Variants in ANK2 observed in about 807,000 individuals in gnomAD.
ANK2 encodes the protein ankyrin 2.
A neutral mutation model predicts 360.5 loss-of-function variants in ANK2; 83 were observed. That is an observed-to-expected ratio of 0.23 (90% CI 0.19 to 0.28). ANK2 has a LOEUF of 0.28. Ranked by LOEUF, ANK2 falls within the 10% of genes least tolerant of loss-of-function variation. The pLI is 1.00. For synonymous variants in ANK2, 1,740 were observed against 1,759.5 expected, an observed-to-expected ratio of 0.99 and a Z score of 0.28; for missense variants, 4,201 against 4,795.7, an observed-to-expected ratio of 0.88 and a Z score of 3.66.
chr4:113,309,924 C>G (rs1587885689), intron 23 of ANK2, among the ~76,000 whole-genome samples: 1 of 152,234 alleles, frequency 6.6e-6, no homozygotes, highest in East Asian at 1.9e-4. Flanking sequence ...TAATAAGATT[C>G]TATTCACACG....
At chr4:112,864,106 C>G (rs2069266616) in intron 1 of ANK2, among the ~76,000 whole-genome samples, 1 of 151,896 alleles carries the variant, frequency 6.6e-6, no homozygotes, top group Admixed American at 6.6e-5. Flanking sequence ...AGAGAAGAGC[C>G]AAAAATTTTT....
chr4:113,228,557 C>T (rs112818121), intron 4 of ANK2, among the ~76,000 whole-genome samples: 1,730 of 152,198 alleles, frequency 0.011, 21 homozygotes, highest in South Asian at 0.042. Context: ...GGTATATATA[C>T]GTACCACAAT....
chr4:113,223,055 C>T (rs1471013942), intron 4 of ANK2, among the ~76,000 whole-genome samples: 1 of 152,174 alleles, frequency 6.6e-6, no homozygotes, highest in Non-Finnish European at 1.5e-5. Flanking sequence ...TGGTTTTTTA[C>T]ATCCTTTGCA....
chr4:113,085,290 T>C (rs1189461467), intron 1 of ANK2, among the ~76,000 whole-genome samples: 1 of 152,132 alleles, frequency 6.6e-6, no homozygotes, highest in East Asian at 1.9e-4. Context: ...CTGACAGATA[T>C]TAAGATATTA....
the ANK2 span, among the ~76,000 whole-genome samples, chr4:112,767,289 G>A: frequency 5.3e-5 from 8 of 152,062 alleles, no homozygotes; most frequent in East Asian, 7.7e-4. Context: ...TGCCAGTCGC[G>A]GTGGCTCACG....
At chr4:112,762,504 T>G in the ANK2 span, among the ~76,000 whole-genome samples, 1 of 152,210 alleles carries the variant, frequency 6.6e-6, no homozygotes, top group East Asian at 1.9e-4. Context: ...AATGCTTTTC[T>G]AATTTTGTTG....
chr4:112,992,968 C>A lies in ANK2; in HGVS notation c.21+88454C>A, dbSNP rs527411905. 1.0e-3 allele frequency among the ~76,000 whole-genome samples: 151 copies of A among 151,754 alleles called. 1 individual carries two copies. The highest frequency in any genetic ancestry group is 3.6e-3 in the African/African-American group (150 of 41,342). On this transcript the variant is annotated intron_variant, in intron 2 of 30. Coordinates refer to the ANK2 transcript ENST00000503271. ...AATTAGTTGGCCCTTTTCCTGATAC[C>A]CTTCATTAATTTATTTAAAATATTT...
At chr4:113,254,334 T>G (rs2048139628) in intron 10 of ANK2, among the ~76,000 whole-genome samples, 2 of 152,246 alleles carry the variant, frequency 1.3e-5, no homozygotes, top group Admixed American at 1.3e-4. Context: ...GTATCCACAG[T>G]ACTTGAACAG....
chr4:112,974,429 A>G (rs72894426), intron 2 of ANK2, among the ~76,000 whole-genome samples: 10,346 of 152,302 alleles, frequency 0.068, 536 homozygotes, highest in African/African-American at 0.14. Flanking sequence ...AAATTAACAT[A>G]CTACCTGGTA....
chr4:113,241,009 T>C (rs550855528), intron 8 of ANK2, among the ~76,000 whole-genome samples: 1 of 152,336 alleles, frequency 6.6e-6, no homozygotes, highest in Admixed American at 6.5e-5. Flanking sequence ...TTTGTTCACA[T>C]GAAGTCTTAC....
At chr4:112,998,032 G>A (rs375819843) in intron 2 of ANK2, among the ~76,000 whole-genome samples, 2 of 151,792 alleles carry the variant, frequency 1.3e-5, no homozygotes, top group African/African-American at 4.8e-5. Flanking sequence ...TGAGCATGTG[G>A]TCCTAAATGA....
chr4:113,257,940 A>C (rs1474532495), intron 11 of ANK2, 110 bp from the exon 12 acceptor site: 1 of 1,077,840 alleles, frequency 9.3e-7, no homozygotes, highest in African/African-American at 1.6e-5. Flanking sequence ...GATTGAAGAA[A>C]TGGTAACATT....
rs2068235636 is a variant in ANK2 at position 113,292,457 on chromosome 4, C to G, written c.2319C>G (p.His773Gln). The change falls in exon 21 of 46, where the codon CAC becomes CAG. Residue 773 changes from histidine to glutamine, a missense_variant. By Grantham distance (24) the His-to-Gln change is conservative (BLOSUM62 0). Coordinates refer to ENST00000357077, the MANE Select transcript of ANK2 (RefSeq NM_001148.6). Reference sequence around the variant, plus strand: ...TGCACCAGGCCGCTCAGCAGGGTCACACGCACATCATCAACGTCCTGCTCC... The same window carrying G: ...TGCACCAGGCCGCTCAGCAGGGTCAGACGCACATCATCAACGTCCTGCTCC... Reference protein sequence around the residue: ...TPLHQAAQQGHTHIINVLLQH... With the variant: ...TPLHQAAQQGQTHIINVLLQH... The G allele has an allele frequency of 6.2e-7, 1 of 1,611,954 alleles. No homozygotes were observed. The highest frequency in any genetic ancestry group is 2.2e-5 in the East Asian group (1 of 44,788).
intron 41 of ANK2, among the ~76,000 whole-genome samples, chr4:113,366,391 CTTTTT>C (rs58588518): frequency 9.2e-6 from 1 of 108,370 alleles, no homozygotes; most frequent in Non-Finnish European, 1.7e-5. Context: ...TTCTTGCTTC[CTTTTT>C]TTTTTTTTTT....
chr4:113,367,615 A>C lies in ANK2; in HGVS notation c.11082A>C (p.Lys3694Asn). Reference protein sequence around the residue: ...EELCTAQHKQKEEQAVSKESE... With the variant: ...EELCTAQHKQNEEQAVSKESE... ...TATGCACTGCACAGCACAAGCAGAAAGAGGAGCAAGCTGTTTCTAAAGAAA... is the reference window on the plus strand; with the variant it reads ...TATGCACTGCACAGCACAAGCAGAACGAGGAGCAAGCTGTTTCTAAAGAAA... The change falls in exon 42 of 46, where the codon AAA (lysine) becomes AAC (asparagine). Residue 3694 changes from lysine (K) to asparagine (N), a missense_variant. Transcript: ENST00000357077. The C allele has an allele frequency of 1.9e-6, 3 of 1,613,914 alleles. No homozygotes were observed. The highest frequency in any genetic ancestry group is 2.5e-6 in the Non-Finnish European group (3 of 1,179,990).
At chr4:113,287,539 ATAT>A in intron 18 of ANK2, 63 bp from the exon 19 acceptor site, 1 of 1,194,398 alleles carries the variant, frequency 8.4e-7, no homozygotes, top group Non-Finnish European at 1.2e-6. Context: ...TTTTTTCATA[ATAT>A]TATAGATGAT....
intron 1 of ANK2, among the ~76,000 whole-genome samples, chr4:112,833,724 C>G (rs1446578436): frequency 6.6e-6 from 1 of 152,116 alleles, no homozygotes; most frequent in East Asian, 1.9e-4. Flanking sequence ...AGGATGGTCT[C>G]GATCTCCTGA....
chr4:112,951,785 A>G (rs530594638), intron 2 of ANK2, among the ~76,000 whole-genome samples: 5 of 152,234 alleles, frequency 3.3e-5, no homozygotes, highest in Admixed American at 3.3e-4. Flanking sequence ...GAGGGAGCAC[A>G]TATTTTACGA....
intron 45 of ANK2, among the ~76,000 whole-genome samples, chr4:113,377,101 GATA>G (rs1172161800): frequency 2.0e-5 from 3 of 151,960 alleles, no homozygotes; most frequent in Admixed American, 6.5e-5. Flanking sequence ...ACTTGATAAT[GATA>G]ATAAGTGACT....
Sources: allele counts gnomAD v4.1 joint callset (sites outside exome capture counted in the v4.1 genomes callset), GRCh38; gene constraint gnomAD v4.1.1; transcripts MANE v1.5; gene names NCBI Gene and HGNC (gene_info 2026-07-23, HGNC 2026-07-21).